The following PDE4D variants were observed in gnomAD, a reference collection of about 807,000 sequenced individuals.
The protein encoded by PDE4D is phosphodiesterase 4D, also known as 3',5'-cyclic-AMP phosphodiesterase 4D.
Under a neutral mutation model 87.4 loss-of-function variants are expected in PDE4D, and 24 were observed. That is an observed-to-expected ratio of 0.27 (90% CI 0.20 to 0.39). The LOEUF is 0.39. PDE4D is among the 10% of genes least tolerant of loss of function. The pLI, the probability that PDE4D is intolerant of heterozygous loss-of-function variation, is 1.00. For missense variants in PDE4D, 714 were observed against 1,041.0 expected, an observed-to-expected ratio of 0.69 and a Z score of 4.32; for synonymous variants, 384 against 383.2, an observed-to-expected ratio of 1.00 and a Z score of -0.02.
At chr5:60,447,287 T>G (rs1745720663) in intron 1 of PDE4D, among the ~76,000 whole-genome samples, 1 of 152,196 alleles carries the variant, frequency 6.6e-6, no homozygotes, top group East Asian at 1.9e-4. Context: ...TATCACATGC[T>G]TCAGAATAGC....
At chr5:59,497,020 A>G (rs1211390274) in intron 1 of PDE4D, among the ~76,000 whole-genome samples, 2 of 152,062 alleles carry the variant, frequency 1.3e-5, no homozygotes, top group Admixed American at 6.6e-5. Flanking sequence ...TTACATCACT[A>G]CAAGAAGCAA....
chr5:59,771,499 GAAGA>G (rs779235734), intron 1 of PDE4D, among the ~76,000 whole-genome samples: 56 of 19,722 alleles, frequency 2.8e-3, no homozygotes, highest in Middle Eastern at 0.022. Flanking sequence ...GAGAGAGAGA[GAAGA>G]AAGAAAGAAA....
At chr5:59,288,957 C>T (rs888436392) in intron 1 of PDE4D, among the ~76,000 whole-genome samples, 17 of 151,994 alleles carry the variant, frequency 1.1e-4, no homozygotes, top group Non-Finnish European at 2.4e-4. Flanking sequence ...TCTCTTCAAT[C>T]TGAAAGAAAA....
intron 1 of PDE4D, among the ~76,000 whole-genome samples, chr5:59,637,014 A>G (rs1308595760): frequency 6.6e-6 from 1 of 152,228 alleles, no homozygotes; most frequent in Non-Finnish European, 1.5e-5. Context: ...CAAAGGTCTA[A>G]TATCCAGAAT....
chr5:60,342,064 A>G (rs940868324), intron 1 of PDE4D, among the ~76,000 whole-genome samples: 46 of 152,338 alleles, frequency 3.0e-4, no homozygotes, highest in African/African-American at 1.1e-3. Context: ...GTCATTTTCA[A>G]TCTCTGCTTG....
rs563259357 is a variant in PDE4D, at chr5:59,336,863, G to A, written c.456-120895C>T. On this transcript the variant is annotated intron_variant, in intron 1 of 14. Coordinates refer to ENST00000340635, the MANE Select transcript of PDE4D (RefSeq NM_001104631.2). ...TCCTGCCTACCAAGAAGCCCAGTGC[G>A]CTGGCTTCCTGACACAAGACATAGC... Among the ~76,000 whole-genome samples, 1,333 of 152,262 alleles carry A rather than the reference G, an allele frequency of 8.8e-3. 6 individuals are homozygous for A. The highest frequency in any genetic ancestry group is 0.015 in the Non-Finnish European group (1,027 of 68,022).
intron 1 of PDE4D, among the ~76,000 whole-genome samples, chr5:59,891,787 TCA>T (rs55796463): frequency 6.7e-6 from 1 of 150,364 alleles, no homozygotes; most frequent in African/African-American, 2.4e-5. Context: ...AGAGACATGC[TCA>T]CACACACACA....
chr5:59,796,685 G>T (rs1022570004), intron 1 of PDE4D, among the ~76,000 whole-genome samples: 1 of 152,182 alleles, frequency 6.6e-6, no homozygotes, highest in Non-Finnish European at 1.5e-5. Flanking sequence ...GTACTTGTTT[G>T]CTTTTTCATC....
chr5:60,188,758 C>T (rs75134038), intron 1 of PDE4D, among the ~76,000 whole-genome samples: 4,025 of 152,254 alleles, frequency 0.026, 75 homozygotes, highest in Non-Finnish European at 0.04. Context: ...ATGGCACAAA[C>T]GAGGAAATCA....
chr5:59,719,749 T>C (rs1256861189), intron 1 of PDE4D, among the ~76,000 whole-genome samples: 1 of 152,338 alleles, frequency 6.6e-6, no homozygotes, highest in East Asian at 1.9e-4. Flanking sequence ...CTACATATTT[T>C]ATAGCATAAC....
rs543702540 is a variant in PDE4D at position 59,498,815 on chromosome 5, G to C, written c.456-282847C>G. Among the ~76,000 whole-genome samples, 3 of 152,046 alleles carry C rather than the reference G, an allele frequency of 2.0e-5. No homozygotes were observed. The East Asian group carries it at 5.8e-4, about 29-fold the overall frequency. ...ATAGACCTATGAAAAGACTTTCATG[G>C]CCACCCAATAATAGTGGGGAACTTC... is the stretch of plus-strand genomic sequence containing the variant. On this transcript the variant is annotated intron_variant, in intron 1 of 14. Transcript: ENST00000340635.
intron 1 of PDE4D, among the ~76,000 whole-genome samples, chr5:60,291,370 C>A (rs930019561): frequency 6.6e-6 from 1 of 151,848 alleles, no homozygotes; most frequent in African/African-American, 2.4e-5. Context: ...TTCCACTTGC[C>A]CATAGGGTTC....
At chr5:60,007,702 G>A (rs754433418) in intron 2 of PDE4D, among the ~76,000 whole-genome samples, 4 of 151,930 alleles carry the variant, frequency 2.6e-5, no homozygotes, top group African/African-American at 4.8e-5. Flanking sequence ...TATTTCCCTT[G>A]TTTCATGACC....
At chr5:59,181,567 T>TATATATATATATATATATAG (rs1741584864) in intron 4 of PDE4D, among the ~76,000 whole-genome samples, 1 of 122,068 alleles carries the variant, frequency 8.2e-6, no homozygotes, top group African/African-American at 3.0e-5. Flanking sequence ...TATATATATA[T>TATATATATATATATATATAG]ATATTAGGTA....
intron 1 of PDE4D, among the ~76,000 whole-genome samples, chr5:59,767,040 A>G (rs1208580910): frequency 6.6e-6 from 1 of 151,838 alleles, no homozygotes; most frequent in African/African-American, 2.4e-5. Context: ...TTCCTTTGTC[A>G]TTGACTTTCA....
rs540992894 is a variant in PDE4D, at chr5:60,013,187, G to T, written c.43-24470C>A. ...TGGTTCCAAACTTCACCATCACTGT[G>T]TGTTCTCATATAACTGTGATCCCTG... On this transcript the variant is annotated intron_variant, in intron 2 of 16. Transcript: ENST00000502484. 2.6e-5 allele frequency among the ~76,000 whole-genome samples: 4 copies of T among 152,228 alleles called. No homozygotes were observed. In the South Asian group the frequency reaches 8.3e-4, roughly 32 times the overall value.
upstream of PDE4D, chr5:60,489,528 G>A (rs1373211424): frequency 6.6e-6 from 1 of 152,160 alleles, no homozygotes; most frequent in Non-Finnish European, 1.5e-5. Context: ...ACAGAAAACA[G>A]AAAAAGTAAT....
intron 1 of PDE4D, among the ~76,000 whole-genome samples, chr5:59,336,768 G>A (rs1162754768): frequency 6.6e-6 from 1 of 151,826 alleles, no homozygotes; most frequent in African/African-American, 2.4e-5. Flanking sequence ...TCTTTTTTTG[G>A]CTTTCCTTTC....
chr5:60,226,844 C>T (rs116761870), intron 1 of PDE4D, among the ~76,000 whole-genome samples: 66 of 152,030 alleles, frequency 4.3e-4, no homozygotes, highest in African/African-American at 1.6e-3. Context: ...CACACACACA[C>T]ACACACACAC....
Sources: gnomAD v4.1 joint callset for allele counts (sites outside exome capture counted in the v4.1 genomes callset) on GRCh38, gnomAD v4.1.1 for gene constraint, MANE v1.5 for transcripts, NCBI Gene and HGNC (gene_info 2026-07-23, HGNC 2026-07-21) for gene names.